The following NELL1 variants were observed in gnomAD, a reference collection of about 807,000 sequenced individuals.
NELL1 encodes protein kinase C-binding protein NELL1.
Under a neutral mutation model 107.4 loss-of-function variants are expected in NELL1, and 76 were observed. The ratio of observed to expected loss-of-function variants is 0.71; its 90% CI spans 0.59 to 0.86. The LOEUF is 0.86. Ranked by LOEUF, NELL1 falls within the 40% of genes least tolerant of loss-of-function variation. The probability of loss-of-function intolerance (pLI) is 0.00; values close to 1 mark genes in which losing one functional copy is unlikely to be tolerated. For missense variants in NELL1, 1,024 were observed against 1,005.5 expected, an observed-to-expected ratio of 1.02 and a Z score of -0.25; for synonymous variants, 353 against 341.2, an observed-to-expected ratio of 1.03 and a Z score of -0.38.
At chr11:21,248,049 A>G (rs1421998290) in intron 14 of NELL1, among the ~76,000 whole-genome samples, 1 of 152,220 alleles carries the variant, frequency 6.6e-6, no homozygotes, top group African/African-American at 2.4e-5. Context: ...TCTCTGGTAC[A>G]AAAAAGAGCA....
intron 2 of NELL1, among the ~76,000 whole-genome samples, chr11:20,700,714 T>G (rs1040908826): frequency 1.3e-5 from 2 of 151,900 alleles, no homozygotes; most frequent in Non-Finnish European, 2.9e-5. Flanking sequence ...TGTGTCCAAG[T>G]GCTCTCATTG....
At chr11:21,433,608 G>GT (rs1853026622) in intron 15 of NELL1, among the ~76,000 whole-genome samples, 1 of 151,856 alleles carries the variant, frequency 6.6e-6, no homozygotes, top group African/African-American at 2.4e-5. Flanking sequence ...ATGGTTTTTT[G>GT]TTTTTATTTT....
At chr11:21,247,015 G>A (rs1415190565) in intron 14 of NELL1, among the ~76,000 whole-genome samples, 2 of 152,112 alleles carry the variant, frequency 1.3e-5, no homozygotes, top group Admixed American at 6.5e-5. Context: ...TTTGGGTGGG[G>A]ACACAGCCAA....
chr11:20,773,968 T>C (rs565428446), intron 2 of NELL1, among the ~76,000 whole-genome samples: 3 of 151,878 alleles, frequency 2.0e-5, no homozygotes, highest in Admixed American at 6.6e-5. Flanking sequence ...GACCTTTTTT[T>C]CCCCTCTCTC....
chr11:20,888,959 T>C (rs1849564053), intron 5 of NELL1, among the ~76,000 whole-genome samples: 3 of 152,202 alleles, frequency 2.0e-5, no homozygotes, highest in Admixed American at 2.0e-4. Flanking sequence ...AAAGTACTAA[T>C]ATTTTCAAGG....
At chr11:21,132,096 C>T (rs1762212863) in intron 13 of NELL1, among the ~76,000 whole-genome samples, 1 of 152,112 alleles carries the variant, frequency 6.6e-6, no homozygotes, top group African/African-American at 2.4e-5. Flanking sequence ...AAACTGGTGC[C>T]CACAGAGCCA....
intron 13 of NELL1, among the ~76,000 whole-genome samples, chr11:21,185,776 A>G (rs982051864): frequency 6.6e-6 from 1 of 151,832 alleles, no homozygotes; most frequent in Admixed American, 6.5e-5. Flanking sequence ...TCTAGCTTTT[A>G]ACCTGCACCT....
intron 14 of NELL1, among the ~76,000 whole-genome samples, chr11:21,369,658 C>T (rs1271861755): frequency 6.6e-6 from 1 of 152,004 alleles, no homozygotes; most frequent in Non-Finnish European, 1.5e-5. Context: ...ATAACCATGA[C>T]ATTTTTCTAG....
chr11:21,251,394 A>C (rs999105028), intron 14 of NELL1, among the ~76,000 whole-genome samples: 1 of 152,126 alleles, frequency 6.6e-6, no homozygotes, highest in Non-Finnish European at 1.5e-5. Context: ...ATAGAACATC[A>C]TGCAAATATG....
At chr11:20,754,685 TGATGTCATAAGAAAA>T (rs1441683453) in intron 2 of NELL1, among the ~76,000 whole-genome samples, 2 of 152,236 alleles carry the variant, frequency 1.3e-5, no homozygotes, top group Non-Finnish European at 2.9e-5. Context: ...AAAAAGTATA[TGATGTCATAAGAAAA>T]GACAGTTCCA....
intron 3 of NELL1, among the ~76,000 whole-genome samples, chr11:20,792,145 G>A (rs1203769974): frequency 2.6e-5 from 4 of 151,926 alleles, no homozygotes; most frequent in Non-Finnish European, 4.4e-5. Context: ...AAGCTATATT[G>A]AATAGCTTTT....
chr11:20,959,151 G>A (rs1029867167), intron 11 of NELL1, among the ~76,000 whole-genome samples: 1 of 152,136 alleles, frequency 6.6e-6, no homozygotes, highest in African/African-American at 2.4e-5. Flanking sequence ...GCACACCATA[G>A]TATACTAAAA....
chr11:21,319,514 A>ATATG (rs1228483337), intron 14 of NELL1, among the ~76,000 whole-genome samples: 1 of 140,618 alleles, frequency 7.1e-6, no homozygotes, highest in Admixed American at 7.2e-5. Flanking sequence ...ATATATATAT[A>ATATG]TATTTTTAGT....
At chr11:21,164,161 G>A (rs1211591930) in intron 13 of NELL1, among the ~76,000 whole-genome samples, 2 of 152,172 alleles carry the variant, frequency 1.3e-5, no homozygotes, top group Admixed American at 6.5e-5. Context: ...TAAGTCTGTG[G>A]TGTTTGGTTT....
chr11:21,323,990 C>T lies in NELL1; in HGVS notation c.1550-46863C>T, dbSNP rs80173866. Among the ~76,000 whole-genome samples the T allele has an allele frequency of 3.4e-4, 52 of 152,228 alleles. No homozygotes were observed. In the East Asian group the frequency reaches 5.4e-3, roughly 16 times the overall value. On this transcript the variant is annotated intron_variant, in intron 14 of 19. Coordinates refer to ENST00000357134, the MANE Select transcript of NELL1 (RefSeq NM_006157.5). ...AAGCAACTTGCTCTTACCTCACTTC[C>T]TGCTTTGGATGGCCATTTCTTATGT...
rs143580168 is a variant in NELL1, at chr11:21,119,567, C to T, written c.1426+5853C>T. 4.9e-3 allele frequency among the ~76,000 whole-genome samples: 744 copies of T among 152,176 alleles called. 6 individuals carry two copies. The highest frequency in any genetic ancestry group is 0.016 in the African/African-American group (660 of 41,530). On this transcript the variant is annotated intron_variant, in intron 13 of 19. Transcript: ENST00000357134. Reference sequence around the variant, plus strand: ...GCTCTGTACTTTTTTGTAGGGAAGTCTCCCTTGGCCTTTGAAAGGGTGAAA... The same window carrying T: ...GCTCTGTACTTTTTTGTAGGGAAGTTTCCCTTGGCCTTTGAAAGGGTGAAA...
chr11:20,990,308 C>T (rs1851944791), intron 12 of NELL1, among the ~76,000 whole-genome samples: 1 of 152,122 alleles, frequency 6.6e-6, no homozygotes, highest in African/African-American at 2.4e-5. Context: ...TTCTTAATAG[C>T]GTGCCTCTGT....
chr11:21,413,244 G>A (rs948462608), intron 15 of NELL1, among the ~76,000 whole-genome samples: 21 of 151,926 alleles, frequency 1.4e-4, no homozygotes, highest in African/African-American at 2.2e-4. Flanking sequence ...ATGGAGATGC[G>A]AGATAAACCA....
chr11:20,954,513 C>T (rs1255700159), intron 11 of NELL1, among the ~76,000 whole-genome samples: 1 of 152,064 alleles, frequency 6.6e-6, no homozygotes, highest in Non-Finnish European at 1.5e-5. Flanking sequence ...GGTTTATTGC[C>T]CCTTAGGGAT....
Sources: allele counts gnomAD v4.1 joint callset (sites outside exome capture counted in the v4.1 genomes callset), GRCh38; gene constraint gnomAD v4.1.1; transcripts MANE v1.5; gene names NCBI Gene and HGNC (gene_info 2026-07-23, HGNC 2026-07-21).